Variants in KCNJ10 observed in about 807,000 individuals in gnomAD.
KCNJ10 encodes the protein potassium inwardly rectifying channel subfamily J member 10.
KCNJ10 carries 9 observed loss-of-function variants against 22.2 expected under a neutral mutation model. That is an observed-to-expected ratio of 0.40 (90% CI 0.24 to 0.71). The LOEUF (loss-of-function observed/expected upper bound fraction) is 0.71, where lower values mean the gene tolerates loss of function less well. Among genes scored for constraint, KCNJ10 ranks in the 30% least tolerant of loss-of-function variants. The probability of loss-of-function intolerance (pLI) is 0.35; values close to 1 mark genes in which losing one functional copy is unlikely to be tolerated. For synonymous variants in KCNJ10, 184 were observed against 187.3 expected, an observed-to-expected ratio of 0.98 and a Z score of 0.15; for missense variants, 337 against 482.7, an observed-to-expected ratio of 0.70 and a Z score of 2.83.
Position 160,041,133 on chromosome 1 carries a change from G to T in KCNJ10, c.*260C>A, listed in dbSNP as rs982461639. On this transcript the variant is annotated 3_prime_UTR_variant, in exon 2 of 2. Transcript: ENST00000644903. The surrounding 1 kb of genome is among the most constrained non-coding windows in gnomAD (Gnocchi z 4.4). ...GGCTGAGGCCTTCTAAGCCACTTCA[G>T]CCTAATCCCACTCTTTCCCCCATCC... The T allele has an allele frequency of 5.5e-6, 3 of 542,582 alleles. No individual in the cohort carries two copies. The highest frequency in any genetic ancestry group is 1.0e-5 in the Non-Finnish European group (3 of 300,572). The allele number at this position is 542,582 out of a possible 1,614,324, so 33.6% of individuals were successfully genotyped here. A position where few individuals can be genotyped will look rare whatever the true frequency, so the allele number is the denominator to read the frequency against.
chr1:160,047,929 C>T (rs1489151549), intron 1 of KCNJ10, among the ~76,000 whole-genome samples: 1 of 152,170 alleles, frequency 6.6e-6, no homozygotes, highest in Non-Finnish European at 1.5e-5. Flanking sequence ...TTAGTAGAGA[C>T]GGGGTTTCAC....
In KCNJ10 at chr1:160,042,010, G is replaced by T. The variant is rs755133855; in HGVS notation, c.523C>A (p.Arg175=). 6.4e-7 allele frequency: 1 copy of T among 1,568,292 alleles called. No homozygotes were observed. The highest frequency in any genetic ancestry group is 1.4e-5 in the African/African-American group (1 of 73,966). ...TGGCTGAAACGAATGGTCTCAGCCC[G>T]CTTCTTGGGCCGGGCAATCTTCGCC... ...FLAKIARPKK[R]AETIRFSQHA... Residue 175 remains arginine (R), a synonymous_variant, in exon 2 of 2, where the codon CGG becomes AGG. Transcript: ENST00000644903.
At chr1:160,043,269 TAAA>T (rs200572825) in intron 1 of KCNJ10, among the ~76,000 whole-genome samples, 4 of 52,342 alleles carry the variant, frequency 7.6e-5, no homozygotes, top group African/African-American at 2.5e-4. Flanking sequence ...CAATCCCCCT[TAAA>T]ACACACACAC....
chr1:160,041,329 T>G lies in KCNJ10; in HGVS notation c.*64A>C. The G allele has an allele frequency of 6.7e-7, 1 of 1,494,416 alleles. No individual in the cohort carries two copies. Among genetic ancestry groups the G allele is most frequent in the Non-Finnish European group, 9.2e-7 (1 of 1,083,772 alleles). The allele number at this position is 1,494,416 out of a possible 1,614,324, so 92.6% of individuals were successfully genotyped here. A position where few individuals can be genotyped will look rare whatever the true frequency, so the allele number is the denominator to read the frequency against. On this transcript the variant is annotated 3_prime_UTR_variant, in exon 2 of 2. Transcript: ENST00000644903. The surrounding 1 kb of genome is among the most constrained non-coding windows in gnomAD (Gnocchi z 4.4). ...GATCTCCAGTAAACCCGGGTAGTAT[T>G]CCTTACCAGGGCATTGGAAGAGAGG...
intron 1 of KCNJ10, among the ~76,000 whole-genome samples, chr1:160,054,019 C>T (rs1019292151): frequency 6.6e-6 from 1 of 152,162 alleles, no homozygotes; most frequent in Non-Finnish European, 1.5e-5. Flanking sequence ...CCAAGCGGTG[C>T]CTTCTGTCCC....
At chr1:160,058,075 A>T (rs186392497) in intron 1 of KCNJ10, among the ~76,000 whole-genome samples, 11 of 152,164 alleles carry the variant, frequency 7.2e-5, no homozygotes, top group Non-Finnish European at 1.2e-4. Flanking sequence ...ACTGCTTCTT[A>T]ATCTGTATTT....
chr1:160,037,893 C>T lies in KCNJ10; in HGVS notation c.*3500G>A, dbSNP rs1362819334. On this transcript the variant is annotated 3_prime_UTR_variant, in exon 2 of 2. Transcript: ENST00000644903. ...AGCACATTGCAGAGATTTCGGAAGC[C>T]TCTCATGGAACTTCACCATCCCCTA... is the stretch of plus-strand genomic sequence containing the variant. 6.6e-6 allele frequency: 1 copy of T among 152,372 alleles called. No homozygotes were observed. Among genetic ancestry groups the T allele is most frequent in the Non-Finnish European group, 1.5e-5 (1 of 68,172 alleles). The allele number at this position is 152,372 out of a possible 1,614,324, so 9.4% of individuals were successfully genotyped here. A position where few individuals can be genotyped will look rare whatever the true frequency, so the allele number is the denominator to read the frequency against.
chr1:160,042,189 A>G lies in KCNJ10; in HGVS notation c.344T>C (p.Leu115Pro). 1 of 1,604,210 alleles carries G rather than the reference A, an allele frequency of 6.2e-7. No individual in the cohort carries two copies. The highest frequency in any genetic ancestry group is 1.3e-5 in the African/African-American group (1 of 74,694). The change falls in exon 2 of 2, where the codon CTC becomes CCC. Residue 115 changes from leucine to proline, a missense_variant. By Grantham distance (98) the Leu-to-Pro change is moderately conservative. Coordinates refer to ENST00000644903, the MANE Select transcript of KCNJ10 (RefSeq NM_002241.5). Reference protein sequence around the residue: ...HTPCVVQVHTLTGAFLFSLES... With the variant: ...HTPCVVQVHTPTGAFLFSLES... ...AAGGGAGAAGAGGAAGGCTCCAGTG[A>G]GTGTGTGCACCTGTACCACACAGGG... is the stretch of plus-strand genomic sequence containing the variant.
At chr1:160,050,130 T>A (rs75376310) in intron 1 of KCNJ10, among the ~76,000 whole-genome samples, 1 of 152,160 alleles carries the variant, frequency 6.6e-6, no homozygotes, top group East Asian at 1.9e-4. Context: ...ATTTATACAA[T>A]AAACACTTTG....
chr1:160,054,042 A>G (rs900864489), intron 1 of KCNJ10, among the ~76,000 whole-genome samples: 3 of 152,170 alleles, frequency 2.0e-5, no homozygotes, highest in Non-Finnish European at 4.4e-5. Context: ...GCAAGAAAGA[A>G]ACAATGTTCT....
chr1:160,050,897 G>A (rs1016081925), intron 1 of KCNJ10, among the ~76,000 whole-genome samples: 2 of 152,158 alleles, frequency 1.3e-5, no homozygotes, highest in East Asian at 3.9e-4. Context: ...CAGGTACAGA[G>A]CCTTGGCTTC....
chr1:160,041,655 G>A lies in KCNJ10; in HGVS notation c.878C>T (p.Thr293Ile), dbSNP rs1390924910. Reference sequence around the variant, plus strand: ...CAGGTAGGAAGTGCGCACCTGACAGGTGGCACTGGTGGACTCCACTGTCCC... The same window carrying A: ...CAGGTAGGAAGTGCGCACCTGACAGATGGCACTGGTGGACTCCACTGTCCC... ...LSGTVESTSA[T>I]CQVRTSYLPE... Residue 293 changes from threonine to isoleucine, a missense_variant, in exon 2 of 2, where the codon ACC becomes ATC. Physicochemically the swap from Thr to Ile is moderately conservative, Grantham distance 89. Transcript: ENST00000644903. This position sits in a 1 kb window ranked among gnomAD's most constrained non-coding sequence, Gnocchi z 4.4. 1.9e-6 allele frequency: 3 copies of A among 1,614,092 alleles called. No homozygotes were observed. Among genetic ancestry groups the A allele is most frequent in the East Asian group, 4.5e-5 (2 of 44,900 alleles).
chr1:160,049,689 A>ATT (rs1557970392), intron 1 of KCNJ10, among the ~76,000 whole-genome samples: 2 of 108,586 alleles, frequency 1.8e-5, no homozygotes, highest in African/African-American at 3.8e-5. Flanking sequence ...ATATATATAT[A>ATT]TATATATATA....
At chr1:160,069,195 C>T (rs1429092088) in intron 1 of KCNJ10, among the ~76,000 whole-genome samples, 1 of 152,226 alleles carries the variant, frequency 6.6e-6, no homozygotes, top group Non-Finnish European at 1.5e-5. Flanking sequence ...TGTCCTTCTA[C>T]CCATTCCTGG....
At position 160,041,833 on chromosome 1, in the gene KCNJ10, C is replaced by T. The variant is rs757650617; in HGVS notation, c.700G>A (p.Val234Ile). The change falls in exon 2 of 2, where the codon GTC becomes ATC. Residue 234 changes from valine (V) to isoleucine (I), a missense_variant. Coordinates refer to ENST00000644903, the MANE Select transcript of KCNJ10 (RefSeq NM_002241.5). This position sits in a 1 kb window ranked among gnomAD's most constrained non-coding sequence, Gnocchi z 4.4. ...KEGENIRLNQ[V>I]NVTFQVDTAS... ...GTGTCTACTTGGAAAGTCACATTGA[C>T]CTGGTTGAGCCGGATGTTCTCCCCT... is the stretch of plus-strand genomic sequence containing the variant. 3 of 1,614,196 alleles carry T rather than the reference C, an allele frequency of 1.9e-6. No homozygotes were observed. In the South Asian group the frequency reaches 3.3e-5, roughly 18 times the overall value.
At chr1:160,058,695 T>G (rs551132523) in intron 1 of KCNJ10, among the ~76,000 whole-genome samples, 23 of 152,046 alleles carry the variant, frequency 1.5e-4, no homozygotes, top group Non-Finnish European at 3.1e-4. Context: ...GAATTACTGG[T>G]GGAACAGAGT....
intron 1 of KCNJ10, among the ~76,000 whole-genome samples, chr1:160,069,563 T>G (rs1649402703): frequency 6.6e-6 from 1 of 151,064 alleles, no homozygotes; most frequent in Non-Finnish European, 1.5e-5. Context: ...TTTCTCCCCA[T>G]GTGGGAACTA....
intron 1 of KCNJ10, among the ~76,000 whole-genome samples, chr1:160,043,270 AAAACACACAC>A (rs1262855086): frequency 0.093 from 2,231 of 24,070 alleles, 64 homozygotes; most frequent in African/African-American, 0.16. Context: ...AATCCCCCTT[AAAACACACAC>A]ACACACACAC....
chr1:160,061,218 A>G (rs868252857), intron 1 of KCNJ10, among the ~76,000 whole-genome samples: 1 of 152,170 alleles, frequency 6.6e-6, no homozygotes, highest in Non-Finnish European at 1.5e-5. Flanking sequence ...GGGGAAAAAC[A>G]CAAAAAAACT....
Sources: gnomAD v4.1 joint callset for allele counts (sites outside exome capture counted in the v4.1 genomes callset) on GRCh38, gnomAD v4.1.1 for gene constraint, Gnocchi (gnomAD v3.1) non-coding constraint, MANE v1.5 for transcripts, NCBI Gene and HGNC (gene_info 2026-07-23, HGNC 2026-07-21) for gene names.